CCDC18: variants seen among roughly 807,000 people sequenced by gnomAD.
CCDC18 encodes the protein coiled-coil domain-containing protein 18.
CCDC18 carries 157 observed loss-of-function variants against 196.0 expected under a neutral mutation model. That is an observed-to-expected ratio of 0.80 (90% CI 0.70 to 0.91). The LOEUF (loss-of-function observed/expected upper bound fraction) is 0.91, where lower values mean the gene tolerates loss of function less well. Ranked by LOEUF, CCDC18 falls within the 40% of genes least tolerant of loss-of-function variation. CCDC18 has a pLI of 0.00. For synonymous variants in CCDC18, 482 were observed against 529.2 expected (o/e 0.91, Z 1.22); for missense variants, 1,465 against 1,611.6 (o/e 0.91, Z 1.56).
Position 93,187,638 on chromosome 1 carries a change from G to GT in CCDC18, c.462+1141dup, listed in dbSNP as rs1231839931. On this transcript the variant is annotated intron_variant, in intron 4 of 28. Transcript: ENST00000690025. The stretch of plus-strand genomic sequence containing the variant: ...TGGGAAGACTTTATTTTTCTTTTCT[G>GT]TTTTTTCAAACAAAACAAAATGCTA... Among the ~76,000 whole-genome samples the GT allele has an allele frequency of 2.0e-5, 3 of 152,012 alleles. No individual in the cohort carries two copies. The East Asian group carries it at 5.8e-4, about 29-fold the overall frequency.
At chr1:93,262,929 C>G (rs991243874) in intron 26 of CCDC18, among the ~76,000 whole-genome samples, 1 of 152,112 alleles carries the variant, frequency 6.6e-6, no homozygotes, top group African/African-American at 2.4e-5. Flanking sequence ...TCCCAAAGCT[C>G]AACTCTTGTC....
chr1:93,210,730 T>G, intron 9 of CCDC18, 72 bp from the exon 10 acceptor site: 1 of 1,124,478 alleles, frequency 8.9e-7, no homozygotes, highest in Non-Finnish European at 1.3e-6. Flanking sequence ...TTTTAAAATT[T>G]GAAGTTCTGA....
At chr1:93,196,913 TTACTGGTGTTCATTGACC>T (rs926859121) in intron 6 of CCDC18, among the ~76,000 whole-genome samples, 16 of 152,220 alleles carry the variant, frequency 1.1e-4, no homozygotes, top group Admixed American at 9.2e-4. Flanking sequence ...AAAACCAGGC[TTACTGGTGTTCATTGACC>T]TACTGGTGTT....
Position 93,200,870 on chromosome 1 carries a change from A to G in CCDC18, c.699-1022A>G, listed in dbSNP as rs549137300. 1.7e-4 allele frequency among the ~76,000 whole-genome samples: 26 copies of G among 152,348 alleles called. No individual in the cohort carries two copies. The South Asian group carries it at 5.4e-3, about 32-fold the overall frequency. ...GAAGGATAATAGAGGAAAGCACAAT[A>G]CGTGGGAAGGTTTTTGTTTGTTTAA... is the stretch of plus-strand genomic sequence containing the variant. On this transcript the variant is annotated intron_variant, in intron 6 of 28. Transcript: ENST00000690025.
chr1:93,180,003 C>A (rs1465095112), upstream of CCDC18: 1 of 1,558,788 alleles, frequency 6.4e-7, no homozygotes, highest in Middle Eastern at 1.7e-4. Context: ...GAGGCGACAA[C>A]GCAGTGCAGC....
At chr1:93,259,960 A>G (rs1663552059) in intron 26 of CCDC18, among the ~76,000 whole-genome samples, 1 of 152,216 alleles carries the variant, frequency 6.6e-6, no homozygotes, top group Admixed American at 6.5e-5. Flanking sequence ...TTGTACATAA[A>G]ATAAATTGTA....
intron 24 of CCDC18, 139 bp downstream of exon 24, chr1:93,254,753 C>T (rs1165502305): frequency 2.5e-6 from 2 of 794,552 alleles, no homozygotes; most frequent in Non-Finnish European, 2.1e-6. Context: ...GTGCCAGAAA[C>T]CTGTTAGTTT....
At chr1:93,274,778 G>A (rs911511499) in intron 28 of CCDC18, among the ~76,000 whole-genome samples, 14 of 152,140 alleles carry the variant, frequency 9.2e-5, no homozygotes, top group African/African-American at 2.7e-4. Context: ...AGCCCAGTTC[G>A]AGGCTGCAGT....
At chr1:93,258,678 C>T (rs1663360531) in intron 25 of CCDC18, 70 bp from the exon 26 acceptor site, 34 of 1,234,826 alleles carry the variant, frequency 2.8e-5, no homozygotes, top group Non-Finnish European at 3.7e-5. Context: ...CAATAATGCA[C>T]TGGATTAGTT....
intron 6 of CCDC18, among the ~76,000 whole-genome samples, chr1:93,197,897 G>A (rs912910776): frequency 4.8e-4 from 72 of 151,502 alleles, no homozygotes; most frequent in African/African-American, 1.5e-3. Flanking sequence ...GACTACAGGC[G>A]CCCACCACCA....
intron 21 of CCDC18, among the ~76,000 whole-genome samples, chr1:93,242,192 T>C (rs2100872212): frequency 6.6e-6 from 1 of 152,344 alleles, no homozygotes; most frequent in South Asian, 2.1e-4. Flanking sequence ...TAGTCCGTTT[T>C]CATGCTGCTG....
intron 23 of CCDC18, among the ~76,000 whole-genome samples, chr1:93,252,130 TG>T (rs1220142116): frequency 6.6e-6 from 1 of 152,160 alleles, no homozygotes; most frequent in Non-Finnish European, 1.5e-5. Flanking sequence ...CTTGACCACC[TG>T]GGCTCAAAGA....
intron 20 of CCDC18, 53 bp from the exon 21 acceptor site, chr1:93,239,629 GT>G: frequency 7.2e-7 from 1 of 1,396,208 alleles, no homozygotes. Context: ...TATATACAAA[GT>G]TTGTAATAAA....
chr1:93,233,358 A>G (rs1490893686), intron 18 of CCDC18, among the ~76,000 whole-genome samples: 1 of 152,218 alleles, frequency 6.6e-6, no homozygotes, highest in African/African-American at 2.4e-5. Flanking sequence ...CCTTTAATTC[A>G]TTACTGAATT....
chr1:93,211,052 G>C lies in CCDC18; in HGVS notation c.1334+126G>C, dbSNP rs181016726. On this transcript the variant is annotated intron_variant, in intron 10 of 28. Transcript: ENST00000690025. ...AACACTTTGGGAGGCTGAGGCAGGC[G>C]GATCACGAGGTCAGGAGTTCGAGAC... 4.5e-6 allele frequency: 4 copies of C among 888,584 alleles called. No individual in the cohort carries two copies. The East Asian group carries it at 1.1e-4, about 25-fold the overall frequency. 55.0% of individuals were successfully genotyped at this position (888,584 alleles called of 1,614,324 possible).
chr1:93,193,571 A>T (rs778721036), intron 5 of CCDC18, 45 bp from the exon 6 acceptor site: 1 of 1,330,836 alleles, frequency 7.5e-7, no homozygotes, highest in East Asian at 2.7e-5. Flanking sequence ...CATACCTGGG[A>T]TAATCTCTTT....
rs1655529906 is a variant in CCDC18 at position 93,211,017 on chromosome 1, C to T, written c.1334+91C>T. ...ATTGGCCGGGCATGGTGGCTCATGC[C>T]TGTAATCCCAACACTTTGGGAGGCT... On this transcript the variant is annotated intron_variant, in intron 10 of 28. Transcript: ENST00000690025. 2.9e-6 allele frequency: 4 copies of T among 1,392,604 alleles called. No homozygotes were observed. The East Asian group carries it at 9.5e-5, about 33-fold the overall frequency. 86.3% of individuals were successfully genotyped at this position (1,392,604 alleles called of 1,614,324 possible).
At chr1:93,180,973 G>A (rs1649519372) in intron 1 of CCDC18, 121 bp downstream of exon 1, 1 of 955,436 alleles carries the variant, frequency 1.0e-6, no homozygotes, top group Non-Finnish European at 1.5e-6. Context: ...GCTGGGACTG[G>A]TCCTCGTGGT....
intron 11 of CCDC18, among the ~76,000 whole-genome samples, chr1:93,214,291 C>T (rs12409621): frequency 2.6e-5 from 4 of 151,948 alleles, no homozygotes; most frequent in Admixed American, 1.3e-4. Context: ...ACGATGGGGT[C>T]GGGAAGGATT....
Sources: gnomAD v4.1 joint callset for allele counts (sites outside exome capture counted in the v4.1 genomes callset) on GRCh38, gnomAD v4.1.1 for gene constraint, MANE v1.5 for transcripts, NCBI Gene and HGNC (gene_info 2026-07-23, HGNC 2026-07-21) for gene names.